LCN12: variants seen among roughly 807,000 people sequenced by gnomAD.
LCN12 encodes the protein lipocalin 12, also known as epididymal-specific lipocalin-12.
In LCN12, 15 loss-of-function variants were observed where a neutral mutation model predicts 23.7. That is an observed-to-expected ratio of 0.63 (90% CI 0.42 to 0.97). The LOEUF (loss-of-function observed/expected upper bound fraction) is 0.97. Among genes scored for constraint, LCN12 ranks in the 50% least tolerant of loss-of-function variants. The pLI is 0.00. For synonymous variants in LCN12, 116 were observed against 111.5 expected (o/e 1.04, Z -0.25); for missense variants, 219 against 249.6 (o/e 0.88, Z 0.83).
In LCN12 at chr9:136,954,414, C is replaced by G. The variant is rs767527754; in HGVS notation, c.550+159C>G. The G allele has an allele frequency of 6.7e-5, 61 of 912,126 alleles. No homozygotes were observed. The African/African-American group carries it at 9.3e-4, about 14-fold the overall frequency. 56.5% of individuals were successfully genotyped at this position (912,126 alleles called of 1,614,324 possible). A position where few individuals can be genotyped will look rare whatever the true frequency, so the allele number is the denominator to read the frequency against. ...AGGCTCCTGGGTCCCTGTGCTCAAC[C>G]CAGGCTCTGAGCCACCTCCTGCCGC... On this transcript the variant is annotated intron_variant, in intron 5 of 5. Coordinates refer to ENST00000371633, the MANE Select transcript of LCN12 (RefSeq NM_178536.4).
upstream of LCN12, among the ~76,000 whole-genome samples, chr9:136,952,128 G>A (rs1168149779): frequency 6.6e-6 from 1 of 152,116 alleles, no homozygotes; most frequent in Non-Finnish European, 1.5e-5. Flanking sequence ...ACCGCAGGTG[G>A]GTGGGTGGGA....
intron 5 of LCN12, 174 bp downstream of exon 5, chr9:136,954,429 C>T (rs1851263313): frequency 1.2e-6 from 1 of 805,610 alleles, no homozygotes; most frequent in Non-Finnish European, 2.1e-6. Context: ...CTCTGAGCCA[C>T]CTCCTGCCGC....
In LCN12 at chr9:136,955,390, C is replaced by T. The variant is rs1410489007; in HGVS notation, c.570C>T (p.Ser190=). Residue 190 remains serine, a synonymous_variant, in exon 6 of 6, where the codon AGC becomes AGT. Transcript: ENST00000371633. The part of the protein sequence containing the change: ...PDVTGWSPQA[S]VC ...CACCAGGCTGGTCACCCCAGGCCAG[C>T]GTCTGTTGAAGGATGAAGCAGCTCC... 6 of 1,613,130 alleles carry T rather than the reference C, an allele frequency of 3.7e-6. No homozygotes were observed. The highest frequency in any genetic ancestry group is 2.7e-5 in the African/African-American group (2 of 74,896).
At chr9:136,955,618 G>C (rs1851305010), downstream of LCN12, 2 of 530,160 alleles carry the variant, frequency 3.8e-6, no homozygotes, top group Admixed American at 3.3e-5. Flanking sequence ...CCAGCCGGCT[G>C]TCTCTGGCCA....
At chr9:136,949,643 C>T, upstream of LCN12, 1 of 152,894 alleles carries the variant, frequency 6.5e-6, no homozygotes, top group Non-Finnish European at 1.5e-5. Context: ...GGGAGTTTTC[C>T]GGGAACGGAG....
rs763739118 is a variant in LCN12, at chr9:136,952,441, G to A, written c.114G>A (p.Gln38=). The A allele has an allele frequency of 6.2e-7, 1 of 1,601,448 alleles. No individual in the cohort carries two copies. Among genetic ancestry groups the A allele is most frequent in the South Asian group, 1.1e-5 (1 of 90,730 alleles). The change falls in exon 1 of 6, where the codon CAG becomes CAA. Residue 38 remains glutamine, a splice_region_variant and synonymous_variant. Coordinates refer to ENST00000371633, the MANE Select transcript of LCN12 (RefSeq NM_178536.4). ...PPPMQSFQGN[Q]FQGEWFVLGL... ...CGATGCAGAGCTTCCAAGGAAACCA[G>A]GTACAGGGGTTTTGACGGAAGGAGA...
At chr9:136,952,706 G>C in intron 1 of LCN12, 186 bp from the exon 2 acceptor site, 1 of 691,504 alleles carries the variant, frequency 1.4e-6, no homozygotes, top group Non-Finnish European at 2.4e-6. Context: ...CACTGGCCAG[G>C]GTCACCATGT....
intron 5 of LCN12, chr9:136,954,995 A>T: frequency 7.5e-7 from 1 of 1,340,292 alleles, no homozygotes; most frequent in South Asian, 1.5e-5. Flanking sequence ...CACACACGCC[A>T]CTCACACTGG....
intron 5 of LCN12, chr9:136,954,669 G>A: frequency 8.0e-7 from 1 of 1,256,612 alleles, no homozygotes; most frequent in Non-Finnish European, 1.0e-6. Context: ...CCCTGTCCTG[G>A]GCCACCTCCT....
chr9:136,955,001 A>G, intron 5 of LCN12: 2 of 1,350,082 alleles, frequency 1.5e-6, no homozygotes, highest in South Asian at 1.5e-5. Context: ...CGCCACTCAC[A>G]CTGGCACACA....
intron 4 of LCN12, 45 bp from the exon 5 acceptor site, chr9:136,954,109 C>A (rs768930966): frequency 2.0e-6 from 3 of 1,518,548 alleles, no homozygotes; most frequent in South Asian, 1.3e-5. Flanking sequence ...AGCCCCCAAC[C>A]CCCTGCCAAG....
intron 2 of LCN12, 25 bp from the exon 3 acceptor site, chr9:136,953,675 C>G (rs767750162): frequency 6.6e-7 from 1 of 1,523,358 alleles, no homozygotes; most frequent in Admixed American, 2.1e-5. Flanking sequence ...CGGAGCCTTC[C>G]GCCTCCACCT....
intron 5 of LCN12, chr9:136,954,709 T>G (rs868703052): frequency 1.6e-4 from 209 of 1,291,276 alleles, no homozygotes; most frequent in Non-Finnish European, 2.0e-4. Flanking sequence ...CACAAGGAGC[T>G]TGGACTCATC....
In LCN12 at chr9:136,952,301, G is replaced by A. The variant is rs1222383193; in HGVS notation, c.-27G>A. On this transcript the variant is annotated 5_prime_UTR_variant, in exon 1 of 6. Transcript: ENST00000371633. Reference sequence around the variant, plus strand: ...TGCCCATGGCCACTTCCTTCTCTCTGTCCCTGTGGGCCCAGCAGCTGCCAG... The same window carrying A: ...TGCCCATGGCCACTTCCTTCTCTCTATCCCTGTGGGCCCAGCAGCTGCCAG... The A allele has an allele frequency of 1.3e-6, 2 of 1,540,024 alleles. No homozygotes were observed. Among genetic ancestry groups the A allele is most frequent in the East Asian group, 2.3e-5 (1 of 43,864 alleles).
At chr9:136,954,307 G>A (rs1262868179) in intron 5 of LCN12, 52 bp downstream of exon 5, 5 of 1,541,452 alleles carry the variant, frequency 3.2e-6, no homozygotes, top group African/African-American at 2.7e-5. Flanking sequence ...GGGCCCGCAG[G>A]AATGAGTTTG....
chr9:136,949,229 T>A (rs1186742887), upstream of LCN12, among the ~76,000 whole-genome samples: 1 of 152,188 alleles, frequency 6.6e-6, no homozygotes, highest in Non-Finnish European at 1.5e-5. Flanking sequence ...AGACCTCATC[T>A]CTATTTAAAA....
intron 4 of LCN12, 34 bp downstream of exon 4, chr9:136,953,998 G>C: frequency 6.3e-7 from 1 of 1,594,412 alleles, no homozygotes; most frequent in Non-Finnish European, 8.5e-7. Context: ...GCCCGTGTGT[G>C]GCCCTGGAGG....
rs1363458859 is a variant in LCN12, at chr9:136,954,199, G to C, written c.494G>C (p.Cys165Ser). 4 of 1,576,648 alleles carry C rather than the reference G, an allele frequency of 2.5e-6. No individual in the cohort carries two copies. In the African/African-American group the frequency reaches 4.0e-5, roughly 16 times the overall value. ...CCCGGGACGCTGGACCAGTTCATCT[G>C]CCTGGGCAGAGCTCAGGGCCTCTCG... ...LPPGTLDQFICLGRAQGLSDD... is the reference protein window; with the variant it reads ...LPPGTLDQFISLGRAQGLSDD... The change falls in exon 5 of 6, where the codon TGC becomes TCC. Residue 165 changes from cysteine (C) to serine (S), a missense_variant. By Grantham distance (112) the Cys-to-Ser change is moderately radical. Coordinates refer to ENST00000371633, the MANE Select transcript of LCN12 (RefSeq NM_178536.4).
chr9:136,953,690 C>A lies in LCN12; in HGVS notation c.252-10C>A. 1 of 1,569,404 alleles carries A rather than the reference C, an allele frequency of 6.4e-7. No individual in the cohort carries two copies. Among genetic ancestry groups the A allele is most frequent in the South Asian group, 1.2e-5 (1 of 84,586 alleles). ...CGGAGCCTTCCGCCTCCACCTGTCCCCTCCTACAGAGGCCAGCACTGTGAC... is the reference window on the plus strand; with the variant it reads ...CGGAGCCTTCCGCCTCCACCTGTCCACTCCTACAGAGGCCAGCACTGTGAC... On this transcript the variant is annotated splice_polypyrimidine_tract_variant and intron_variant, in intron 2 of 5. Coordinates refer to ENST00000371633, the MANE Select transcript of LCN12 (RefSeq NM_178536.4).
Sources: allele counts gnomAD v4.1 joint callset (sites outside exome capture counted in the v4.1 genomes callset), GRCh38; gene constraint gnomAD v4.1.1; transcripts MANE v1.5; gene names NCBI Gene and HGNC (gene_info 2026-07-23, HGNC 2026-07-21).